The following PML variants were observed in gnomAD, a reference collection of about 807,000 sequenced individuals.
The protein encoded by PML is protein PML.
A neutral mutation model predicts 65.2 loss-of-function variants in PML; 28 were observed. That is an observed-to-expected ratio of 0.43 (90% CI 0.32 to 0.59). The LOEUF (loss-of-function observed/expected upper bound fraction) is 0.59, where lower values mean the gene tolerates loss of function less well. Among genes scored for constraint, PML ranks in the 20% least tolerant of loss-of-function variants. The probability of loss-of-function intolerance (pLI) is 0.08; values close to 1 mark genes in which losing one functional copy is unlikely to be tolerated. For missense variants in PML, 1,021 were observed against 1,203.4 expected (o/e 0.85, Z 2.24); for synonymous variants, 500 against 508.8 (o/e 0.98, Z 0.23).
chr15:74,040,249 G>T (rs375050279), intron 7 of PML, among the ~76,000 whole-genome samples: 9 of 152,226 alleles, frequency 5.9e-5, no homozygotes, highest in African/African-American at 2.2e-4. Flanking sequence ...CACTTCTTCA[G>T]TCCTTCTTCC....
rs184921788 is a variant in PML, at chr15:74,008,599, C to T, written c.602+10123C>T. ...TAAAAATACAAAAAAATTAGCCGGG[C>T]GTGGTGGCGGGTGCCTGTAGTCCCA... On this transcript the variant is annotated intron_variant, in intron 2 of 8. Transcript: ENST00000268058. Among the ~76,000 whole-genome samples the T allele has an allele frequency of 1.3e-4, 20 of 152,134 alleles. No homozygotes were observed. The East Asian group carries it at 3.7e-3, about 28-fold the overall frequency.
In PML at chr15:74,044,223, CAGA is replaced by C. The variant is rs758175747; in HGVS notation, c.1868_1870del (p.Lys623del). 7 of 1,613,762 alleles carry C rather than the reference CAGA, an allele frequency of 4.3e-6. No homozygotes were observed. Among genetic ancestry groups the C allele is most frequent in the Non-Finnish European group, 5.9e-6 (7 of 1,179,994 alleles). On this transcript the variant is annotated inframe_deletion, in exon 9 of 9. Coordinates refer to ENST00000268058, the MANE Select transcript of PML (RefSeq NM_033238.3). ...CCCTGCCCTTCTCTCCTGCCCAGCC[CAGA>C]AGATTAGCCAGCTGGCTGCGGTGAA...
intron 2 of PML, among the ~76,000 whole-genome samples, chr15:74,013,008 T>C (rs533723252): frequency 6.6e-6 from 1 of 152,214 alleles, no homozygotes; most frequent in Non-Finnish European, 1.5e-5. Context: ...CAAATGTTCA[T>C]TAGGACAGCT....
At position 74,046,389 on chromosome 15, in the gene PML, C is replaced by G. The variant is rs1595924548; in HGVS notation, c.*1381C>G. 1 of 232,958 alleles carries G rather than the reference C, an allele frequency of 4.3e-6. No individual in the cohort carries two copies. Among genetic ancestry groups the G allele is most frequent in the South Asian group, 1.8e-4 (1 of 5,530 alleles). 14.4% of individuals were successfully genotyped at this position (232,958 alleles called of 1,614,324 possible). ...AGCTCCCTGCTCCTGGGATGCTTCC[C>G]AAGCAGCCCAGGCCTCTAGCCTCCA... is the stretch of plus-strand genomic sequence containing the variant. On this transcript the variant is annotated 3_prime_UTR_variant, in exon 9 of 9. Coordinates refer to ENST00000268058, the MANE Select transcript of PML (RefSeq NM_033238.3).
At chr15:74,000,916 T>C (rs892437279) in intron 2 of PML, among the ~76,000 whole-genome samples, 1 of 152,228 alleles carries the variant, frequency 6.6e-6, no homozygotes, top group Non-Finnish European at 1.5e-5. Flanking sequence ...ATTTGAAGAA[T>C]ATAAGAAATT....
rs1477040239 is a variant in PML, at chr15:74,046,023, C to T, written c.*1015C>T. 1 of 232,766 alleles carries T rather than the reference C, an allele frequency of 4.3e-6. No individual in the cohort carries two copies. Among genetic ancestry groups the T allele is most frequent in the Non-Finnish European group, 8.5e-6 (1 of 117,774 alleles). The allele number at this position is 232,766 out of a possible 1,614,324, so 14.4% of individuals were successfully genotyped here. On this transcript the variant is annotated 3_prime_UTR_variant, in exon 9 of 9. Coordinates refer to ENST00000268058, the MANE Select transcript of PML (RefSeq NM_033238.3). ...GCAGTGTGGAACAGCAGAGAAAGTC[C>T]CGTCCCTATCTCTGACTGTGCAGTG...
In PML at chr15:74,043,712, A is replaced by G. The variant is rs903253852; in HGVS notation, c.1862-509A>G. On this transcript the variant is annotated intron_variant, in intron 8 of 8. Coordinates refer to ENST00000268058, the MANE Select transcript of PML (RefSeq NM_033238.3). This position sits in a 1 kb window ranked among gnomAD's most constrained non-coding sequence, Gnocchi z 4.3. ...AACATTGGGGCTAGCCCAGCCAGAC[A>G]GAAACAGCAAGTGTTTTCATGGTAC... 4 of 530,098 alleles carry G rather than the reference A, an allele frequency of 7.5e-6. No individual in the cohort carries two copies. The African/African-American group carries it at 7.6e-5, about 10-fold the overall frequency. 32.8% of individuals were successfully genotyped at this position (530,098 alleles called of 1,614,324 possible). A position where few individuals can be genotyped will look rare whatever the true frequency, so the allele number is the denominator to read the frequency against.
intron 2 of PML, among the ~76,000 whole-genome samples, chr15:74,019,241 G>A (rs1241596152): frequency 1.3e-5 from 2 of 152,190 alleles, no homozygotes; most frequent in Admixed American, 1.3e-4. Flanking sequence ...AGAACGTCTT[G>A]CTCTCTATCC....
chr15:74,032,257 C>T (rs1353832044), intron 4 of PML: 7 of 403,394 alleles, frequency 1.7e-5, no homozygotes, highest in East Asian at 1.1e-4. Context: ...TGATGCCAGT[C>T]GCGGTGGCTC....
chr15:74,043,868 C>T lies in PML; in HGVS notation c.1862-353C>T. 1 of 517,548 alleles carries T rather than the reference C, an allele frequency of 1.9e-6. No individual in the cohort carries two copies. Among genetic ancestry groups the T allele is most frequent in the Admixed American group, 2.3e-5 (1 of 43,556 alleles). The allele number at this position is 517,548 out of a possible 1,614,324, so 32.1% of individuals were successfully genotyped here. A position where few individuals can be genotyped will look rare whatever the true frequency, so the allele number is the denominator to read the frequency against. The stretch of plus-strand genomic sequence containing the variant: ...GGAGGAAGGAGCATGGGATGGAGAG[C>T]TAAGTTCAAGCAGCCTGGGATCTCT... On this transcript the variant is annotated intron_variant, in intron 8 of 8. Transcript: ENST00000268058. The surrounding 1 kb of genome is among the most constrained non-coding windows in gnomAD (Gnocchi z 4.3).
intron 8 of PML, 72 bp from the exon 9 acceptor site, chr15:74,044,149 G>C: frequency 6.7e-7 from 1 of 1,498,392 alleles, no homozygotes; most frequent in Non-Finnish European, 9.3e-7. Flanking sequence ...AGCAGCCCTA[G>C]AGGACCCCCT....
In PML at chr15:74,033,368, C is replaced by T. The variant is rs750106015; in HGVS notation, c.1611C>T (p.Val537=). Residue 537 remains valine, a synonymous_variant, in exon 6 of 9, where the codon GTC becomes GTT. Coordinates refer to ENST00000268058, the MANE Select transcript of PML (RefSeq NM_033238.3). The stretch of plus-strand genomic sequence containing the variant: ...GGAGCCCCGTCATAGGAAGTGAGGT[C>T]TTCCTGCCCAACAGCAACCACGTGG... ...SPRSPVIGSE[V]FLPNSNHVAS... is the part of the protein sequence containing the mutation. The T allele has an allele frequency of 6.2e-7, 1 of 1,613,490 alleles. No individual in the cohort carries two copies. The highest frequency in any genetic ancestry group is 1.7e-5 in the Admixed American group (1 of 60,022).
chr15:74,010,661 G>C (rs1435220929), intron 2 of PML, among the ~76,000 whole-genome samples: 1 of 152,180 alleles, frequency 6.6e-6, no homozygotes, highest in Non-Finnish European at 1.5e-5. Flanking sequence ...CATGACTGGT[G>C]TTATGATAGC....
intron 4 of PML, among the ~76,000 whole-genome samples, chr15:74,029,951 A>AAAGG (rs1036772556): frequency 9.2e-5 from 14 of 152,246 alleles, no homozygotes; most frequent in Admixed American, 3.9e-4. Flanking sequence ...GGAGAAAAAG[A>AAAGG]AAGGAAGGAA....
rs1469760538 is a variant in PML, at chr15:74,044,708, C to G, written c.2349C>G (p.Pro783=). 1 of 1,608,942 alleles carries G rather than the reference C, an allele frequency of 6.2e-7. No individual in the cohort carries two copies. Among genetic ancestry groups the G allele is most frequent in the East Asian group, 2.2e-5 (1 of 44,868 alleles). Residue 783 remains proline, a synonymous_variant, in exon 9 of 9, where the codon CCC becomes CCG. Coordinates refer to ENST00000268058, the MANE Select transcript of PML (RefSeq NM_033238.3). The part of the protein sequence containing the change: ...SSLQCFASLQ[P]LVQAAVLPRA... ...TGCAGTGCTTTGCCTCCCTGCAGCC[C>G]CTGGTGCAGGCAGCTGTGCTGCCCC...
intron 1 of PML, among the ~76,000 whole-genome samples, chr15:73,995,925 T>C (rs992693421): frequency 2.0e-5 from 3 of 152,176 alleles, no homozygotes; most frequent in African/African-American, 7.2e-5. Context: ...GGCTATTTTT[T>C]ATATTTTTAG....
In PML at chr15:74,044,585, C is replaced by T. The variant is rs768548359; in HGVS notation, c.2226C>T (p.Ser742=). The part of the protein sequence containing the change: ...TYLARNMSER[S]AMAAVLAMRD... ...TGGCGAGAAACATGAGCGAGCGCAG[C>T]GCCATGGCTGCCGTGCTGGCCATGC... Residue 742 remains serine, a synonymous_variant, in exon 9 of 9, where the codon AGC becomes AGT. Coordinates refer to ENST00000268058, the MANE Select transcript of PML (RefSeq NM_033238.3). The T allele has an allele frequency of 1.5e-5, 24 of 1,609,902 alleles. No homozygotes were observed. The highest frequency in any genetic ancestry group is 1.3e-4 in the South Asian group (12 of 91,088).
At chr15:74,034,937 A>G (rs1253262558) in intron 7 of PML, 1 of 1,457,038 alleles carries the variant, frequency 6.9e-7, no homozygotes. Context: ...GGGCAGCTAT[A>G]TAGGGGCCAA....
chr15:74,016,276 A>AAAAT (rs1301025441), intron 2 of PML, among the ~76,000 whole-genome samples: 4 of 152,136 alleles, frequency 2.6e-5, no homozygotes, highest in African/African-American at 9.6e-5. Flanking sequence ...ACTCCATCTC[A>AAAAT]AAATAAATAA....
Sources: allele counts gnomAD v4.1 joint callset (sites outside exome capture counted in the v4.1 genomes callset), GRCh38; gene constraint gnomAD v4.1.1; non-coding constraint Gnocchi (gnomAD v3.1); transcripts MANE v1.5; gene names NCBI Gene and HGNC (gene_info 2026-07-23, HGNC 2026-07-21).